ADAMTS12: variants seen among roughly 807,000 people sequenced by gnomAD.
ADAMTS12 encodes the protein A disintegrin and metalloproteinase with thrombospondin motifs 12.
Under a neutral mutation model 167.8 loss-of-function variants are expected in ADAMTS12, and 118 were observed. The observed-to-expected ratio is 0.70, with a 90% CI of 0.61 to 0.82. ADAMTS12 has a LOEUF of 0.82. Ranked by LOEUF, ADAMTS12 falls within the 40% of genes least tolerant of loss-of-function variation. The probability of loss-of-function intolerance (pLI) is 0.00; values close to 1 mark genes in which losing one functional copy is unlikely to be tolerated. For synonymous variants in ADAMTS12, 704 were observed against 716.9 expected (o/e 0.98, Z 0.29); for missense variants, 1,916 against 1,998.8 (o/e 0.96, Z 0.79).
intron 3 of ADAMTS12, among the ~76,000 whole-genome samples, chr5:33,710,910 T>C (rs1448364346): frequency 6.6e-6 from 1 of 152,092 alleles, no homozygotes; most frequent in African/African-American, 2.4e-5. Flanking sequence ...AGAGGATTGG[T>C]TGAGACATAG....
At chr5:33,713,026 C>T (rs1354298460) in intron 3 of ADAMTS12, among the ~76,000 whole-genome samples, 2 of 152,080 alleles carry the variant, frequency 1.3e-5, no homozygotes, top group African/African-American at 2.4e-5. Flanking sequence ...TAAACACATA[C>T]TGGACAAACT....
At chr5:33,704,406 T>G (rs1743111681) in intron 3 of ADAMTS12, among the ~76,000 whole-genome samples, 1 of 152,224 alleles carries the variant, frequency 6.6e-6, no homozygotes, top group Non-Finnish European at 1.5e-5. Flanking sequence ...TATTTTTATT[T>G]TTTAAGGAAT....
intron 10 of ADAMTS12, among the ~76,000 whole-genome samples, chr5:33,642,740 T>C (rs1020525346): frequency 7.9e-5 from 12 of 152,336 alleles, no homozygotes; most frequent in South Asian, 2.1e-4. Context: ...ATCCTTTTTT[T>C]CCTCTTGTGT....
At chr5:33,643,233 T>G in intron 10 of ADAMTS12, 145 bp downstream of exon 10, 1 of 704,792 alleles carries the variant, frequency 1.4e-6, no homozygotes. Flanking sequence ...TGGATGTGGG[T>G]GATCTCCTCT....
At chr5:33,654,769 G>A (rs972871198) in intron 7 of ADAMTS12, among the ~76,000 whole-genome samples, 2 of 152,048 alleles carry the variant, frequency 1.3e-5, no homozygotes, top group Admixed American at 1.3e-4. Flanking sequence ...TCTTTCCTTT[G>A]CTGTTCACCT....
At chr5:33,591,282 A>C (rs1747625507) in intron 17 of ADAMTS12, among the ~76,000 whole-genome samples, 1 of 152,076 alleles carries the variant, frequency 6.6e-6, no homozygotes, top group Admixed American at 6.6e-5. Flanking sequence ...AGTAGCTTCT[A>C]CTGATTCCCC....
chr5:33,604,945 T>C (rs896657147), intron 16 of ADAMTS12, among the ~76,000 whole-genome samples: 1 of 152,206 alleles, frequency 6.6e-6, no homozygotes. Context: ...GTAATTAGAA[T>C]AGGAATCCAC....
chr5:33,793,807 G>GA (rs547579853), intron 2 of ADAMTS12, among the ~76,000 whole-genome samples: 63 of 152,190 alleles, frequency 4.1e-4, no homozygotes, highest in Non-Finnish European at 9.0e-4. Flanking sequence ...GGCGAAGGGC[G>GA]AGATGGGCTT....
chr5:33,630,736 T>C, intron 13 of ADAMTS12, 44 bp downstream of exon 13: 1 of 1,571,936 alleles, frequency 6.4e-7, no homozygotes, highest in Non-Finnish European at 8.7e-7. Context: ...TTAGTAAAAG[T>C]CATGATTTTA....
Position 33,789,989 on chromosome 5 carries a change from G to A in ADAMTS12, c.490-38441C>T, listed in dbSNP as rs142450981. ...CTACACTATGAATCCTTAAAATTACGGACCTTTTCAAACATAACCACAATA... is the reference window on the plus strand; with the variant it reads ...CTACACTATGAATCCTTAAAATTACAGACCTTTTCAAACATAACCACAATA... On this transcript the variant is annotated intron_variant, in intron 2 of 23. Coordinates refer to ENST00000504830, the MANE Select transcript of ADAMTS12 (RefSeq NM_030955.4). Among the ~76,000 whole-genome samples the A allele has an allele frequency of 4.3e-3, 649 of 151,864 alleles. 5 individuals are homozygous for A. The highest frequency in any genetic ancestry group is 0.015 in the African/African-American group (632 of 41,394).
At chr5:33,535,161 T>C (rs1744325891) in intron 22 of ADAMTS12, among the ~76,000 whole-genome samples, 169 bp from the exon 23 acceptor site, 1 of 152,222 alleles carries the variant, frequency 6.6e-6, no homozygotes, top group Non-Finnish European at 1.5e-5. Context: ...GAGATGTGAG[T>C]TTAGAGAGAC....
At chr5:33,840,622 T>C (rs1443847412) in intron 2 of ADAMTS12, among the ~76,000 whole-genome samples, 2 of 152,216 alleles carry the variant, frequency 1.3e-5, no homozygotes, top group African/African-American at 2.4e-5. Context: ...CAGTCAGGTG[T>C]TGAAACTGGT....
chr5:33,857,458 TATGA>T (rs1349396862), intron 2 of ADAMTS12, among the ~76,000 whole-genome samples: 7 of 151,946 alleles, frequency 4.6e-5, no homozygotes, highest in African/African-American at 1.7e-4. Context: ...TGGTAATTAA[TATGA>T]GGTGATGAAT....
chr5:33,686,114 T>G (rs1191020824), intron 3 of ADAMTS12, among the ~76,000 whole-genome samples: 2 of 152,208 alleles, frequency 1.3e-5, no homozygotes, highest in Non-Finnish European at 2.9e-5. Context: ...ATCAGGAGGC[T>G]GCTCCATGCC....
intron 18 of ADAMTS12, among the ~76,000 whole-genome samples, chr5:33,583,978 A>G (rs1470309038): frequency 6.6e-6 from 1 of 152,192 alleles, no homozygotes; most frequent in East Asian, 1.9e-4. Context: ...AACACAAAAC[A>G]TTTCTTATGA....
At chr5:33,727,668 G>T (rs112311755) in intron 3 of ADAMTS12, among the ~76,000 whole-genome samples, 115 of 152,178 alleles carry the variant, frequency 7.6e-4, no homozygotes, top group Admixed American at 3.7e-3. Flanking sequence ...GTTTATGCTT[G>T]AGGCTTGTAT....
At chr5:33,579,845 C>T (rs941451442) in intron 18 of ADAMTS12, among the ~76,000 whole-genome samples, 1 of 152,146 alleles carries the variant, frequency 6.6e-6, no homozygotes, top group African/African-American at 2.4e-5. Flanking sequence ...AATAATGATG[C>T]TGATAATAAT....
rs185892232 is a variant in ADAMTS12 at position 33,568,648 on chromosome 5, T to C, written c.3972+7406A>G. On this transcript the variant is annotated intron_variant, in intron 19 of 23. Transcript: ENST00000504830. Reference sequence around the variant, plus strand: ...ACGAAAAGGAAAAAATAAGAGACTATGGAGTCTGCGTGAGTGACGCAGAAG... The same window carrying C: ...ACGAAAAGGAAAAAATAAGAGACTACGGAGTCTGCGTGAGTGACGCAGAAG... 1.4e-3 allele frequency among the ~76,000 whole-genome samples: 207 copies of C among 152,312 alleles called. 2 individuals are homozygous for C. Among genetic ancestry groups the C allele is most frequent in the Admixed American group, 5.4e-3 (82 of 15,306 alleles).
intron 22 of ADAMTS12, among the ~76,000 whole-genome samples, chr5:33,539,857 C>T (rs1744599186): frequency 1.6e-5 from 2 of 125,164 alleles, no homozygotes; most frequent in South Asian, 5.4e-4. Flanking sequence ...AGGAAGAGCT[C>T]TGGTCTGCAG....
Sources: gnomAD v4.1 joint callset for allele counts (sites outside exome capture counted in the v4.1 genomes callset) on GRCh38, gnomAD v4.1.1 for gene constraint, MANE v1.5 for transcripts, NCBI Gene and HGNC (gene_info 2026-07-23, HGNC 2026-07-21) for gene names.